Variants in DSCAM observed in about 807,000 individuals in gnomAD.
DSCAM encodes the protein DS cell adhesion molecule, also known as cell adhesion molecule DSCAM.
A neutral mutation model predicts 217.7 loss-of-function variants in DSCAM; 47 were observed. That is an observed-to-expected ratio of 0.22 (90% CI 0.17 to 0.28). DSCAM has a LOEUF of 0.28. DSCAM is among the 10% of genes least tolerant of loss of function. DSCAM has a pLI of 1.00. For synonymous variants in DSCAM, 1,056 were observed against 1,015.3 expected (o/e 1.04, Z -0.76); for missense variants, 2,080 against 2,618.3 (o/e 0.79, Z 4.49).
chr21:40,462,357 A>C (rs1013866622), intron 3 of DSCAM, among the ~76,000 whole-genome samples: 3 of 152,162 alleles, frequency 2.0e-5, no homozygotes, highest in Non-Finnish European at 4.4e-5. Context: ...GCTGGAATAA[A>C]AATCTTAGAG....
At chr21:40,025,479 C>T (rs906495184) in intron 32 of DSCAM, among the ~76,000 whole-genome samples, 23 of 147,396 alleles carry the variant, frequency 1.6e-4, no homozygotes, top group East Asian at 3.9e-4. Context: ...TGGTAGAATT[C>T]GGCTGTGAAT....
At chr21:40,379,569 C>G (rs1316787338) in intron 3 of DSCAM, among the ~76,000 whole-genome samples, 1 of 152,140 alleles carries the variant, frequency 6.6e-6, no homozygotes, top group Admixed American at 6.5e-5. Context: ...TAGCTGATCT[C>G]TGTCTCTTCC....
chr21:40,767,111 C>T (rs773325568), intron 1 of DSCAM, among the ~76,000 whole-genome samples: 1 of 152,104 alleles, frequency 6.6e-6, no homozygotes, highest in East Asian at 1.9e-4. Flanking sequence ...TTCACAAAGA[C>T]GTTTAATTGT....
chr21:40,272,181 G>A (rs2073627093), intron 11 of DSCAM, among the ~76,000 whole-genome samples: 1 of 152,064 alleles, frequency 6.6e-6, no homozygotes, highest in Admixed American at 6.6e-5. Context: ...GATCGGCCTG[G>A]AGCATAGGGC....
intron 3 of DSCAM, among the ~76,000 whole-genome samples, chr21:40,692,184 T>G (rs961684770): frequency 1.3e-5 from 2 of 152,238 alleles, no homozygotes; most frequent in Non-Finnish European, 2.9e-5. Flanking sequence ...ACAGTCGCCT[T>G]TCCAGGTAAA....
intron 16 of DSCAM, among the ~76,000 whole-genome samples, chr21:40,156,418 G>A (rs1262044070): frequency 6.6e-6 from 1 of 151,802 alleles, no homozygotes; most frequent in East Asian, 1.9e-4. Context: ...CTAAGTATCT[G>A]TTCAGAAGAA....
At chr21:40,231,572 G>A (rs1046739138) in intron 11 of DSCAM, among the ~76,000 whole-genome samples, 1 of 148,780 alleles carries the variant, frequency 6.7e-6, no homozygotes, top group Non-Finnish European at 1.5e-5. Flanking sequence ...GCATGATCAC[G>A]GCTCACTGTA....
Position 40,257,438 on chromosome 21 carries a change from T to C in DSCAM, c.2356+18659A>G, listed in dbSNP as rs542914055. 1.3e-4 allele frequency among the ~76,000 whole-genome samples: 20 copies of C among 150,028 alleles called. No individual in the cohort carries two copies. In the South Asian group the frequency reaches 3.0e-3, roughly 22 times the overall value. The stretch of plus-strand genomic sequence containing the variant: ...TGGTTGAATCTATGAGTGTGGAAGC[T>C]GCAGATTCAAAGGGCTGGCTGTATT... On this transcript the variant is annotated intron_variant, in intron 11 of 32. Transcript: ENST00000400454.
intron 9 of DSCAM, among the ~76,000 whole-genome samples, chr21:40,310,373 TC>T (rs2074124512): frequency 6.6e-6 from 1 of 152,234 alleles, no homozygotes; most frequent in Admixed American, 6.5e-5. Flanking sequence ...CATCACCTTG[TC>T]CCTGCCTGTT....
rs141334358 is a variant in DSCAM, at chr21:40,832,000, G to C, written c.43+14619C>G. On this transcript the variant is annotated intron_variant, in intron 1 of 32. Transcript: ENST00000400454. ...AGAAGATTTAAAGACTGTGACACCA[G>C]ACAACCTGGGCTCAAAGTGCTATTC... Among the ~76,000 whole-genome samples, 410 of 152,296 alleles carry C rather than the reference G, an allele frequency of 2.7e-3. 8 individuals carry two copies. The highest frequency in any genetic ancestry group is 9.0e-3 in the African/African-American group (376 of 41,566).
Position 40,055,583 on chromosome 21 carries a change from C to T in DSCAM, c.5035+142G>A. The T allele has an allele frequency of 4.7e-6, 3 of 632,434 alleles. No individual in the cohort carries two copies. The South Asian group carries it at 6.2e-5, about 13-fold the overall frequency. The allele number at this position is 632,434 out of a possible 1,614,324, so 39.2% of individuals were successfully genotyped here. A position where few individuals can be genotyped will look rare whatever the true frequency, so the allele number is the denominator to read the frequency against. On this transcript the variant is annotated intron_variant, in intron 29 of 32. Transcript: ENST00000400454. ...TGGTACTGATTCTTCTTCACAAGAACAATTCTCTACCTTCTAGCTTTGGTA... is the reference window on the plus strand; with the variant it reads ...TGGTACTGATTCTTCTTCACAAGAATAATTCTCTACCTTCTAGCTTTGGTA...
At chr21:40,708,023 A>G (rs2090736050) in intron 2 of DSCAM, among the ~76,000 whole-genome samples, 1 of 152,238 alleles carries the variant, frequency 6.6e-6, no homozygotes, top group Non-Finnish European at 1.5e-5. Flanking sequence ...TTTCCATAAC[A>G]GTACATCTTG....
chr21:40,733,795 G>C (rs2091036376), intron 1 of DSCAM, among the ~76,000 whole-genome samples: 2 of 152,172 alleles, frequency 1.3e-5, no homozygotes, highest in South Asian at 4.1e-4. Flanking sequence ...CCCTGCTTGT[G>C]GTTGGGGGAA....
intron 9 of DSCAM, among the ~76,000 whole-genome samples, chr21:40,296,375 A>T (rs1489702528): frequency 3.3e-5 from 5 of 152,266 alleles, no homozygotes; most frequent in Admixed American, 3.3e-4. Context: ...GATTCATATC[A>T]ATGAGCTTTT....
intron 3 of DSCAM, among the ~76,000 whole-genome samples, chr21:40,493,536 G>A (rs1186509633): frequency 6.6e-6 from 1 of 152,074 alleles, no homozygotes; most frequent in Non-Finnish European, 1.5e-5. Context: ...TAAGAAATAT[G>A]CAATATTAAA....
At chr21:40,179,266 T>A (rs1482408095) in intron 14 of DSCAM, among the ~76,000 whole-genome samples, 172 bp from the exon 15 acceptor site, 1 of 150,822 alleles carries the variant, frequency 6.6e-6, no homozygotes, top group Admixed American at 6.6e-5. Context: ...TGTTCCCAGC[T>A]TTCTGGCAGA....
intron 15 of DSCAM, 40 bp downstream of exon 15, chr21:40,178,887 C>G (rs371453246): frequency 1.2e-6 from 2 of 1,610,968 alleles, no homozygotes; most frequent in African/African-American, 2.7e-5. Context: ...AGTTAGCTCC[C>G]GGGCTCCTCT....
chr21:40,484,657 G>A (rs1321347869), intron 3 of DSCAM, among the ~76,000 whole-genome samples: 2 of 151,972 alleles, frequency 1.3e-5, no homozygotes, highest in Non-Finnish European at 2.9e-5. Context: ...CTGCCACTGC[G>A]TCATCTCCTG....
intron 1 of DSCAM, among the ~76,000 whole-genome samples, chr21:40,811,665 A>G (rs555810403): frequency 6.6e-6 from 1 of 152,288 alleles, no homozygotes; most frequent in South Asian, 2.1e-4. Flanking sequence ...GAAAGGAGAA[A>G]TCCTCATGGG....
Sources: allele counts gnomAD v4.1 joint callset (sites outside exome capture counted in the v4.1 genomes callset), GRCh38; gene constraint gnomAD v4.1.1; transcripts MANE v1.5; gene names NCBI Gene and HGNC (gene_info 2026-07-23, HGNC 2026-07-21).